The following CRYGN variants were observed in gnomAD, a reference collection of about 807,000 sequenced individuals.
The protein encoded by CRYGN is gamma-crystallin N.
In CRYGN, 17 loss-of-function variants were observed where a neutral mutation model predicts 19.2. The observed-to-expected ratio is 0.89, with a 90% CI of 0.61 to 1.33. CRYGN has a LOEUF of 1.33. Ranked by LOEUF, CRYGN falls within the 40% of genes most tolerant of loss-of-function variation. The probability of loss-of-function intolerance (pLI) is 0.00; values close to 1 mark genes in which losing one functional copy is unlikely to be tolerated. For synonymous variants in CRYGN, 84 were observed against 85.8 expected (o/e 0.98, Z 0.12); for missense variants, 239 against 239.6 (o/e 1.00, Z 0.02).
In CRYGN at chr7:151,432,126, G is replaced by A. The variant is rs546021872; in HGVS notation, c.417-1946C>T. 11 of 1,143,860 alleles carry A rather than the reference G, an allele frequency of 9.6e-6. No homozygotes were observed. The East Asian group carries it at 1.3e-4, about 13-fold the overall frequency. The allele number at this position is 1,143,860 out of a possible 1,614,324, so 70.9% of individuals were successfully genotyped here. ...TGCCCCTGTCCCCAGAGCTGCGCCC[G>A]GCCATCCCGGTGGGAGGGCTCGGCT... On this transcript the variant is annotated intron_variant, in intron 3 of 3. Coordinates refer to ENST00000337323, the MANE Select transcript of CRYGN (RefSeq NM_144727.3).
At position 151,438,143 on chromosome 7, in the gene CRYGN, G is replaced by A; in HGVS notation, c.123C>T (p.Ser41=). The A allele has an allele frequency of 6.2e-7, 1 of 1,614,214 alleles. No homozygotes were observed. Among genetic ancestry groups the A allele is most frequent in the South Asian group, 1.1e-5 (1 of 91,078 alleles). The change falls in exon 2 of 4, where the codon TCC becomes TCT. Residue 41 remains serine (S), a synonymous_variant. Coordinates refer to ENST00000337323, the MANE Select transcript of CRYGN (RefSeq NM_144727.3). ...CCCAGGCTCCGCTCTCCACGTGGATGGAGTTCACTCGGTTCATAAAGCCCC... is the reference window on the plus strand; with the variant it reads ...CCCAGGCTCCGCTCTCCACGTGGATAGAGTTCACTCGGTTCATAAAGCCCC... ...QDRGFMNRVN[S]IHVESGAWVC...
chr7:151,432,177 C>T (rs948870631), intron 3 of CRYGN: 22 of 1,231,486 alleles, frequency 1.8e-5, no homozygotes, highest in African/African-American at 1.5e-4. Flanking sequence ...CCTTGTGGAG[C>T]GACTGCACTC....
chr7:151,439,210 T>C (rs930539333), intron 1 of CRYGN: 1 of 152,234 alleles, frequency 6.6e-6, no homozygotes, highest in Non-Finnish European at 1.5e-5. Context: ...GCAGACACCT[T>C]GGCGTTCTGC....
rs547936852 is a variant in CRYGN at position 151,433,920 on chromosome 7, G to A, written c.416+2260C>T. Among the ~76,000 whole-genome samples, 8 of 152,258 alleles carry A rather than the reference G, an allele frequency of 5.3e-5. No individual in the cohort carries two copies. In the East Asian group the frequency reaches 9.7e-4, roughly 18 times the overall value. ...AGGTGAGGGTAGGTGGAGGCAGAAC[G>A]CCAGTGCATTTCCCTCCGAGAGCCC... On this transcript the variant is annotated intron_variant, in intron 3 of 3. Coordinates refer to ENST00000337323, the MANE Select transcript of CRYGN (RefSeq NM_144727.3). This position sits in a 1 kb window ranked among gnomAD's most constrained non-coding sequence, Gnocchi z 5.1.
Position 151,430,037 on chromosome 7 carries a change from C to T in CRYGN, c.*11G>A, listed in dbSNP as rs780212906. The T allele has an allele frequency of 2.0e-5, 19 of 934,988 alleles. No individual in the cohort carries two copies. The highest frequency in any genetic ancestry group is 4.8e-5 in the African/African-American group (3 of 61,958). 57.9% of individuals were successfully genotyped at this position (934,988 alleles called of 1,614,324 possible). ...GGTGCAGGTGCATTTACATGTCAAT[C>T]GGTTCCAGGCTCAGAGGTTTGCAGT... is the stretch of plus-strand genomic sequence containing the variant. On this transcript the variant is annotated 3_prime_UTR_variant, in exon 4 of 4. Coordinates refer to ENST00000337323, the MANE Select transcript of CRYGN (RefSeq NM_144727.3). This position sits in a 1 kb window ranked among gnomAD's most constrained non-coding sequence, Gnocchi z 5.2.
At chr7:151,437,769 T>C (rs1260313043) in intron 2 of CRYGN, 4 of 1,356,106 alleles carry the variant, frequency 2.9e-6, no homozygotes, top group Admixed American at 5.7e-5. Flanking sequence ...AAGTGGTTTA[T>C]TGATACCTGT....
intron 3 of CRYGN, among the ~76,000 whole-genome samples, chr7:151,432,985 G>A (rs906191528): frequency 3.9e-5 from 6 of 152,224 alleles, no homozygotes; most frequent in South Asian, 2.1e-4. Context: ...CACACAACAC[G>A]GTTCCTGCCC....
rs1333226795 is a variant in CRYGN, at chr7:151,438,222, T to C, written c.44A>G (p.His15Arg). The C allele has an allele frequency of 2.5e-6, 4 of 1,612,938 alleles. No homozygotes were observed. Among genetic ancestry groups the C allele is most frequent in the Non-Finnish European group, 3.4e-6 (4 of 1,179,628 alleles). Residue 15 changes from histidine to arginine, a missense_variant, in exon 2 of 4, where the codon CAC (histidine) becomes CGC (arginine). Physicochemically the swap from His to Arg is conservative, Grantham distance 29 (BLOSUM62 0). Coordinates refer to ENST00000337323, the MANE Select transcript of CRYGN (RefSeq NM_144727.3). ...SGKITLYEGK[H>R]FTGQKLEVFG... ...GACCTCCAGCTTCTGCCCTGTGAAG[T>C]GCTTGCCTTCATAGAGAGTGATCTA...
Position 151,435,949 on chromosome 7 carries a change from A to C in CRYGN, c.416+231T>G, listed in dbSNP as rs772001719. On this transcript the variant is annotated intron_variant, in intron 3 of 3. Coordinates refer to ENST00000337323, the MANE Select transcript of CRYGN (RefSeq NM_144727.3). This position sits in a 1 kb window ranked among gnomAD's most constrained non-coding sequence, Gnocchi z 4.2. ...GTCTCAGGGTGCCTCTGGGGCCCAG[A>C]GTCCCTCTCTGAGGCCCTTCTGGGC... Among the ~76,000 whole-genome samples the C allele has an allele frequency of 2.1e-4, 32 of 152,120 alleles. No individual in the cohort carries two copies. Among genetic ancestry groups the C allele is most frequent in the African/African-American group, 7.5e-4 (31 of 41,438 alleles).
rs1801511968 is a variant in CRYGN, at chr7:151,433,200, AG to A, written c.416+2979del. On this transcript the variant is annotated intron_variant, in intron 3 of 3. Coordinates refer to ENST00000337323, the MANE Select transcript of CRYGN (RefSeq NM_144727.3). The surrounding 1 kb of genome is among the most constrained non-coding windows in gnomAD (Gnocchi z 5.1). ...CAGGACAAGTCTTTACAGAGCCTGG[AG>A]GACCTCGGGCTGGTGGGGGCAGGAG... Among the ~76,000 whole-genome samples the A allele has an allele frequency of 6.6e-6, 1 of 152,246 alleles. No individual in the cohort carries two copies. The highest frequency in any genetic ancestry group is 1.5e-5 in the Non-Finnish European group (1 of 68,048).
chr7:151,436,753 AATG>A lies in CRYGN; in HGVS notation c.271-431_271-429del, dbSNP rs1281472407. On this transcript the variant is annotated intron_variant, in intron 2 of 3. Coordinates refer to ENST00000337323, the MANE Select transcript of CRYGN (RefSeq NM_144727.3). This position sits in a 1 kb window ranked among gnomAD's most constrained non-coding sequence, Gnocchi z 5.1. ...GCCACAGCCCATGGGCAAGCCTTCA[AATG>A]ATAACATTTTAAAACTGTAATAGAA... 1 of 154,246 alleles carries A rather than the reference AATG, an allele frequency of 6.5e-6. No individual in the cohort carries two copies. The highest frequency in any genetic ancestry group is 1.4e-5 in the Non-Finnish European group (1 of 69,542). 9.6% of individuals were successfully genotyped at this position (154,246 alleles called of 1,614,324 possible).
intron 2 of CRYGN, 173 bp downstream of exon 2, chr7:151,437,822 GC>G: frequency 2.7e-6 from 4 of 1,479,026 alleles, no homozygotes; most frequent in Admixed American, 2.2e-5. Flanking sequence ...TAGCAACTTG[GC>G]CCCCCACCTA....
intron 3 of CRYGN, among the ~76,000 whole-genome samples, chr7:151,434,027 G>T (rs1049406166): frequency 8.5e-5 from 13 of 152,120 alleles, no homozygotes; most frequent in Non-Finnish European, 1.5e-5. Flanking sequence ...AGTGGGAGGT[G>T]GTGGAGGGAC....
chr7:151,432,470 CAT>C (rs1437186756), intron 3 of CRYGN, among the ~76,000 whole-genome samples: 1 of 152,190 alleles, frequency 6.6e-6, no homozygotes, highest in Non-Finnish European at 1.5e-5. Context: ...TGGGGTGTGA[CAT>C]GTGTGGGGAC....
rs982519317 is a variant in CRYGN, at chr7:151,436,644, G to T, written c.271-319C>A. Among the ~76,000 whole-genome samples the T allele has an allele frequency of 6.6e-6, 1 of 152,280 alleles. No homozygotes were observed. The highest frequency in any genetic ancestry group is 1.5e-5 in the Non-Finnish European group (1 of 68,024). On this transcript the variant is annotated intron_variant, in intron 2 of 3. Transcript: ENST00000337323. This position sits in a 1 kb window ranked among gnomAD's most constrained non-coding sequence, Gnocchi z 5.1. ...ACACTCAGACCAGGGCTGGGGTCACGGGGCTCCCTCTGGGTGCTCAGCGTG... is the reference window on the plus strand; with the variant it reads ...ACACTCAGACCAGGGCTGGGGTCACTGGGCTCCCTCTGGGTGCTCAGCGTG...
chr7:151,437,187 G>A (rs1163376124), intron 2 of CRYGN, among the ~76,000 whole-genome samples: 1 of 152,170 alleles, frequency 6.6e-6, no homozygotes, highest in Non-Finnish European at 1.5e-5. Flanking sequence ...AAGAGAGGGG[G>A]CACCACACAA....
chr7:151,440,100 G>A lies in CRYGN; in HGVS notation c.-183C>T. 1 of 1,363,064 alleles carries A rather than the reference G, an allele frequency of 7.3e-7. No individual in the cohort carries two copies. The allele number at this position is 1,363,064 out of a possible 1,614,324, so 84.4% of individuals were successfully genotyped here. On this transcript the variant is annotated 5_prime_UTR_variant, in exon 1 of 4. Transcript: ENST00000337323. ...GCGGCCACCCTGTGCCACCGCGAGT[G>A]CAGCCCGCCCTGCCCGGGGTCTCCC... is the stretch of plus-strand genomic sequence containing the variant.
Position 151,437,653 on chromosome 7 carries a change from C to T in CRYGN, c.270+343G>A, listed in dbSNP as rs577380611. Among the ~76,000 whole-genome samples, 16 of 152,342 alleles carry T rather than the reference C, an allele frequency of 1.1e-4. No homozygotes were observed. In the South Asian group the frequency reaches 3.1e-3, roughly 30 times the overall value. ...AGTGGCCACACTAGGCCCAAATCAG[C>T]CTCCCATTGGCGGAGTGTCCCCTAT... On this transcript the variant is annotated intron_variant, in intron 2 of 3. Coordinates refer to ENST00000337323, the MANE Select transcript of CRYGN (RefSeq NM_144727.3).
Position 151,436,072 on chromosome 7 carries a change from G to T in CRYGN, c.416+108C>A. The T allele has an allele frequency of 1.2e-6, 1 of 838,464 alleles. No individual in the cohort carries two copies. The highest frequency in any genetic ancestry group is 1.6e-6 in the Non-Finnish European group (1 of 612,122). The allele number at this position is 838,464 out of a possible 1,614,324, so 51.9% of individuals were successfully genotyped here. ...AGGGACACGCTGCCCACTGCTGGAG[G>T]TCTCATTCCCACCCCACCCACCACC... is the stretch of plus-strand genomic sequence containing the variant. On this transcript the variant is annotated intron_variant, in intron 3 of 3. Transcript: ENST00000337323. This position sits in a 1 kb window ranked among gnomAD's most constrained non-coding sequence, Gnocchi z 5.1.
Sources: allele counts gnomAD v4.1 joint callset (sites outside exome capture counted in the v4.1 genomes callset), GRCh38; gene constraint gnomAD v4.1.1; non-coding constraint Gnocchi (gnomAD v3.1); transcripts MANE v1.5; gene names NCBI Gene and HGNC (gene_info 2026-07-23, HGNC 2026-07-21).